The following BCO2 variants were observed in gnomAD, a reference collection of about 807,000 sequenced individuals.
BCO2 encodes carotenoid-cleaving dioxygenase, mitochondrial.
In BCO2, 56 loss-of-function variants were observed where a neutral mutation model predicts 65.8. The observed-to-expected ratio is 0.85, with a 90% CI of 0.69 to 1.06. BCO2 has a LOEUF of 1.06. Among genes scored for constraint, BCO2 ranks in the 50% least tolerant of loss-of-function variants. The pLI, the probability that BCO2 is intolerant of heterozygous loss-of-function variation, is 0.00. For missense variants in BCO2, 675 were observed against 698.5 expected, an observed-to-expected ratio of 0.97 and a Z score of 0.38; for synonymous variants, 233 against 242.3, an observed-to-expected ratio of 0.96 and a Z score of 0.36.
intron 4 of BCO2, 35 bp downstream of exon 4, chr11:112,194,029 A>C: frequency 9.0e-7 from 1 of 1,116,672 alleles, no homozygotes; most frequent in Non-Finnish European, 1.4e-6. Context: ...AATAAAATAG[A>C]TCCTAACATT....
At chr11:112,208,547 T>A (rs528885424) in intron 8 of BCO2, 2 of 174,254 alleles carry the variant, frequency 1.1e-5, no homozygotes, top group Non-Finnish European at 2.4e-5. Context: ...TGAAGCATGC[T>A]GTGGCTGTAG....
chr11:112,211,070 A>G lies in BCO2; in HGVS notation c.1195-2654A>G, dbSNP rs536609322. ...TTTCCAGAACATTTTCATCATCTCA[A>G]ACAGAAACTCTGTACCCATTAAACA... On this transcript the variant is annotated intron_variant, in intron 8 of 11. Transcript: ENST00000357685. Among the ~76,000 whole-genome samples the G allele has an allele frequency of 9.2e-5, 14 of 152,158 alleles. No individual in the cohort carries two copies. In the South Asian group the frequency reaches 1.2e-3, roughly 14 times the overall value.
At chr11:112,188,081 T>C (rs915439107) in intron 2 of BCO2, among the ~76,000 whole-genome samples, 2 of 152,116 alleles carry the variant, frequency 1.3e-5, no homozygotes, top group Non-Finnish European at 2.9e-5. Context: ...GCTCTTGGGC[T>C]CTAGACCTGT....
chr11:112,182,870 T>A, intron 2 of BCO2: 2 of 1,130,122 alleles, frequency 1.8e-6, no homozygotes, highest in Non-Finnish European at 2.7e-6. Context: ...TGCTCTGTTC[T>A]AATGTGGAAG....
chr11:112,191,929 A>G (rs1399049214), intron 2 of BCO2, among the ~76,000 whole-genome samples: 3 of 152,156 alleles, frequency 2.0e-5, no homozygotes, highest in Non-Finnish European at 2.9e-5. Context: ...TAAAATACAT[A>G]TAACATAAAA....
chr11:112,205,864 G>C (rs12796145), intron 8 of BCO2, among the ~76,000 whole-genome samples: 28,413 of 152,174 alleles, frequency 0.19, 3,100 homozygotes, highest in Non-Finnish European at 0.24. Context: ...CTCCCAAAGT[G>C]CTGGGATTAC....
intron 2 of BCO2, 42 bp downstream of exon 2, chr11:112,179,524 G>C (rs1372015108): frequency 1.3e-6 from 2 of 1,557,880 alleles, no homozygotes; most frequent in South Asian, 2.2e-5. Flanking sequence ...TTCTTGGCAT[G>C]GGCTGGTTCT....
chr11:112,178,692 G>A (rs1226645667), intron 1 of BCO2, among the ~76,000 whole-genome samples: 2 of 152,140 alleles, frequency 1.3e-5, no homozygotes, highest in African/African-American at 2.4e-5. Flanking sequence ...GGATATCACT[G>A]CATAATTTAA....
At chr11:112,178,715 T>C (rs2135343958) in intron 1 of BCO2, among the ~76,000 whole-genome samples, 1 of 152,348 alleles carries the variant, frequency 6.6e-6, no homozygotes, top group South Asian at 2.1e-4. Context: ...TTTGACACCC[T>C]TCTACTGGAA....
intron 3 of BCO2, 34 bp from the exon 4 acceptor site, chr11:112,193,845 G>C: frequency 6.8e-7 from 1 of 1,480,860 alleles, no homozygotes; most frequent in Non-Finnish European, 9.4e-7. Context: ...ACAGTAAGCT[G>C]TGGTACTTAA....
In BCO2 at chr11:112,200,673, T is replaced by C. The variant is rs183792404; in HGVS notation, c.926T>C (p.Ile309Thr). ...CCTCTAAAGATGAACCTGTGGAAAA[T>C]TGCCACTTCTAAAATTCGGGGAAAG... ...EQPLKMNLWKIATSKIRGKAF... is the reference protein window; with the variant it reads ...EQPLKMNLWKTATSKIRGKAF... The change falls in exon 7 of 12, where the codon ATT (isoleucine) becomes ACT (threonine). Residue 309 changes from isoleucine to threonine, a missense_variant. Physicochemically the swap from Ile to Thr is moderately conservative, Grantham distance 89. Coordinates refer to ENST00000357685, the MANE Select transcript of BCO2 (RefSeq NM_031938.7). 80 of 1,613,780 alleles carry C rather than the reference T, an allele frequency of 5.0e-5. No individual in the cohort carries two copies. In the African/African-American group the frequency reaches 7.9e-4, roughly 16 times the overall value.
At chr11:112,180,725 C>G (rs1037049073) in intron 2 of BCO2, 1 of 806,702 alleles carries the variant, frequency 1.2e-6, no homozygotes, top group African/African-American at 1.7e-5. Flanking sequence ...GGGAGGAGGA[C>G]CAGGTGGGAG....
chr11:112,188,380 G>T (rs3929085), intron 2 of BCO2, among the ~76,000 whole-genome samples: 3 of 151,950 alleles, frequency 2.0e-5, no homozygotes, highest in Non-Finnish European at 2.9e-5. Flanking sequence ...TTATTGCCTG[G>T]GCTCCTCGTT....
rs147391427 is a variant in BCO2, at chr11:112,211,352, A to ACACACACACACACACACT, written c.1195-2372_1195-2371insCACACACACACACACACT. On this transcript the variant is annotated intron_variant, in intron 8 of 11. Coordinates refer to ENST00000357685, the MANE Select transcript of BCO2 (RefSeq NM_031938.7). ...CACACACACACACACACACACACAC[A>ACACACACACACACACACT]ATATTTGTTTATTCATCTGTTGATG... Among the ~76,000 whole-genome samples, 12 of 148,980 alleles carry ACACACACACACACACACT rather than the reference A, an allele frequency of 8.1e-5. 1 individual carries two copies. Among genetic ancestry groups the ACACACACACACACACACT allele is most frequent in the African/African-American group, 2.8e-4 (11 of 39,770 alleles).
chr11:112,186,391 T>C (rs1867201550), intron 2 of BCO2, among the ~76,000 whole-genome samples: 1 of 151,046 alleles, frequency 6.6e-6, no homozygotes, highest in African/African-American at 2.4e-5. Flanking sequence ...TGGGCATTTA[T>C]AGCAGGAACA....
intron 2 of BCO2, among the ~76,000 whole-genome samples, chr11:112,188,239 C>G (rs2135360128): frequency 6.6e-6 from 1 of 152,370 alleles, no homozygotes; most frequent in Non-Finnish European, 1.5e-5. Flanking sequence ...GCCAGTCATT[C>G]AGGTCCAACA....
rs758892483 is a variant in BCO2 at position 112,216,203 on chromosome 11, T to C, written c.1516-17T>C. On this transcript the variant is annotated splice_polypyrimidine_tract_variant and intron_variant, in intron 10 of 11. Coordinates refer to ENST00000357685, the MANE Select transcript of BCO2 (RefSeq NM_031938.7). ...TACTACTTGCCTTTTATCAAATGCT[T>C]TTTTTGGGACTTGCAGGTTTGGAGA... 1 of 1,595,396 alleles carries C rather than the reference T, an allele frequency of 6.3e-7. No individual in the cohort carries two copies. The highest frequency in any genetic ancestry group is 8.6e-7 in the Non-Finnish European group (1 of 1,163,044).
intron 2 of BCO2, 187 bp downstream of exon 2, chr11:112,179,669 C>T: frequency 1.6e-6 from 1 of 608,180 alleles, no homozygotes; most frequent in East Asian, 2.9e-5. Context: ...GCTTTTTCTG[C>T]TCTGTAGACT....
intron 2 of BCO2, among the ~76,000 whole-genome samples, chr11:112,185,548 A>G (rs1867174265): frequency 6.6e-6 from 1 of 152,196 alleles, no homozygotes; most frequent in Admixed American, 6.5e-5. Flanking sequence ...CACATCCTTT[A>G]TTAGCACTTT....
Sources: gnomAD v4.1 joint callset for allele counts (sites outside exome capture counted in the v4.1 genomes callset) on GRCh38, gnomAD v4.1.1 for gene constraint, MANE v1.5 for transcripts, NCBI Gene and HGNC (gene_info 2026-07-23, HGNC 2026-07-21) for gene names.